MTSS1: variants seen among roughly 807,000 people sequenced by gnomAD.
MTSS1 encodes the protein MTSS I-BAR domain containing 1.
A neutral mutation model predicts 79.0 loss-of-function variants in MTSS1; 18 were observed. That is an observed-to-expected ratio of 0.23 (90% CI 0.16 to 0.34). The LOEUF (loss-of-function observed/expected upper bound fraction) is 0.34. MTSS1 is among the 10% of genes least tolerant of loss of function. MTSS1 has a pLI of 1.00. For missense variants in MTSS1, 815 were observed against 986.2 expected, an observed-to-expected ratio of 0.83 and a Z score of 2.33; for synonymous variants, 341 against 368.6, an observed-to-expected ratio of 0.93 and a Z score of 0.86.
intron 1 of MTSS1, among the ~76,000 whole-genome samples, chr8:124,710,254 C>G (rs1830967781): frequency 6.6e-6 from 1 of 152,236 alleles, no homozygotes; most frequent in Admixed American, 6.5e-5. Context: ...TTCATTCAGA[C>G]AGTGAGTGAC....
At position 124,553,139 on chromosome 8, in the gene MTSS1, G is replaced by A. The variant is rs771172981; in HGVS notation, c.2121C>T (p.Val707=). ...DQEREPPSAT[V]SPGQIPESDP... ...CACTCTCTGGAATCTGGCCTGGGGA[G>A]ACAGTGGCACTTGGGGGTTCCCGTT... The change falls in exon 14 of 14, where the codon GTC becomes GTT. Residue 707 remains valine (V), a synonymous_variant. Coordinates refer to ENST00000518547, the MANE Select transcript of MTSS1 (RefSeq NM_014751.6). The surrounding 1 kb of genome is among the most constrained non-coding windows in gnomAD (Gnocchi z 6.0). 6.2e-7 allele frequency: 1 copy of A among 1,614,188 alleles called. No individual in the cohort carries two copies.
chr8:124,599,349 G>A (rs924629698), intron 3 of MTSS1, among the ~76,000 whole-genome samples: 1 of 151,618 alleles, frequency 6.6e-6, no homozygotes, highest in Non-Finnish European at 1.5e-5. Flanking sequence ...CCAGCACGGT[G>A]GTGGGTGCCT....
intron 1 of MTSS1, among the ~76,000 whole-genome samples, chr8:124,726,206 G>A (rs1375879267): frequency 1.3e-5 from 2 of 152,214 alleles, no homozygotes; most frequent in Non-Finnish European, 2.9e-5. Context: ...CCACAGGATG[G>A]CAGGTGGAAA....
rs142715084 is a variant in MTSS1 at position 124,629,472 on chromosome 8, C to T, written c.209-38237G>A. Among the ~76,000 whole-genome samples, 28 of 140,810 alleles carry T rather than the reference C, an allele frequency of 2.0e-4. No individual in the cohort carries two copies. In the East Asian group the frequency reaches 4.7e-3, roughly 24 times the overall value. 92.4% of individuals were successfully genotyped at this position (140,810 alleles called of 152,430 possible). A position where few individuals can be genotyped will look rare whatever the true frequency, so the allele number is the denominator to read the frequency against. Reference sequence around the variant, plus strand: ...TGGAGCTTGCAGTGAGCCAAGATCACGCCACTGCACTCCAGCCTGAATGAC... The same window carrying T: ...TGGAGCTTGCAGTGAGCCAAGATCATGCCACTGCACTCCAGCCTGAATGAC... On this transcript the variant is annotated intron_variant, in intron 3 of 13. Coordinates refer to ENST00000518547, the MANE Select transcript of MTSS1 (RefSeq NM_014751.6).
At chr8:124,720,442 G>A (rs754195298) in intron 1 of MTSS1, among the ~76,000 whole-genome samples, 1 of 152,208 alleles carries the variant, frequency 6.6e-6, no homozygotes, top group African/African-American at 2.4e-5. Context: ...GAAACTCAAA[G>A]GATGTAGATG....
intron 5 of MTSS1, among the ~76,000 whole-genome samples, chr8:124,588,602 T>TG (rs1831282098): frequency 6.6e-6 from 1 of 152,326 alleles, no homozygotes; most frequent in East Asian, 1.9e-4. Flanking sequence ...ACAAAGAGAA[T>TG]GGGCAGGAGA....
intron 6 of MTSS1, among the ~76,000 whole-genome samples, chr8:124,570,865 G>T (rs564314189): frequency 6.6e-6 from 1 of 152,060 alleles, no homozygotes; most frequent in East Asian, 1.9e-4. Context: ...ATAAAGATTG[G>T]GTCTTGCTTT....
At chr8:124,710,774 C>G (rs1587933407) in intron 1 of MTSS1, among the ~76,000 whole-genome samples, 1 of 152,130 alleles carries the variant, frequency 6.6e-6, no homozygotes, top group East Asian at 1.9e-4. Context: ...ACTGGGACAG[C>G]TGAGGGAATT....
At chr8:124,556,063 C>G in intron 12 of MTSS1, 159 bp from the exon 13 acceptor site, 3 of 1,541,994 alleles carry the variant, frequency 1.9e-6, no homozygotes, top group Non-Finnish European at 2.6e-6. Flanking sequence ...TCTCTCATTC[C>G]CACACAAGGT....
intron 3 of MTSS1, among the ~76,000 whole-genome samples, chr8:124,643,897 A>G (rs1818536590): frequency 6.6e-6 from 1 of 152,170 alleles, no homozygotes; most frequent in African/African-American, 2.4e-5. Flanking sequence ...AATTGTTTGT[A>G]TTTTTGAAAT....
chr8:124,583,904 C>G (rs1216246618), intron 6 of MTSS1, among the ~76,000 whole-genome samples: 1 of 152,240 alleles, frequency 6.6e-6, no homozygotes, highest in Non-Finnish European at 1.5e-5. Flanking sequence ...CAAACACTAG[C>G]TCCCAGGTGC....
intron 7 of MTSS1, chr8:124,567,908 T>C (rs761283208): frequency 7.0e-7 from 1 of 1,421,734 alleles, no homozygotes; most frequent in Non-Finnish European, 9.2e-7. Context: ...AAATTAAGTC[T>C]AAATTGATTC....
At chr8:124,643,184 T>G (rs1002665750) in intron 3 of MTSS1, among the ~76,000 whole-genome samples, 3 of 152,150 alleles carry the variant, frequency 2.0e-5, no homozygotes, top group African/African-American at 7.2e-5. Context: ...CTACAAATGC[T>G]TACGGCCCTC....
chr8:124,692,146 C>T (rs1828041122), intron 3 of MTSS1, among the ~76,000 whole-genome samples: 1 of 151,272 alleles, frequency 6.6e-6, no homozygotes, highest in African/African-American at 2.4e-5. Flanking sequence ...TGTCATGCCT[C>T]AGCCTCCCGA....
chr8:124,630,376 G>C (rs1000296198), intron 3 of MTSS1, among the ~76,000 whole-genome samples: 1 of 152,118 alleles, frequency 6.6e-6, no homozygotes. Context: ...TGGGGGTGGG[G>C]TGGGAGCAGG....
intron 3 of MTSS1, among the ~76,000 whole-genome samples, chr8:124,614,163 CA>C (rs3050528): frequency 0.027 from 2,448 of 92,356 alleles, 52 homozygotes; most frequent in African/African-American, 0.07. Flanking sequence ...ATACCTGCCT[CA>C]AAAAAAAAAA....
intron 10 of MTSS1, among the ~76,000 whole-genome samples, chr8:124,561,806 C>G (rs905343166): frequency 6.6e-6 from 1 of 152,016 alleles, no homozygotes; most frequent in African/African-American, 2.4e-5. Context: ...CCTTACAGAC[C>G]AAGCCAAGCA....
chr8:124,692,459 C>G (rs1400069990), intron 3 of MTSS1, among the ~76,000 whole-genome samples: 1 of 152,070 alleles, frequency 6.6e-6, no homozygotes, highest in African/African-American at 2.4e-5. Flanking sequence ...CAAAGGCAAT[C>G]CAGAAGTTAA....
At chr8:124,640,440 C>T (rs1817816902) in intron 3 of MTSS1, among the ~76,000 whole-genome samples, 1 of 152,178 alleles carries the variant, frequency 6.6e-6, no homozygotes, top group African/African-American at 2.4e-5. Context: ...TGTGGTCTTT[C>T]CGGCAACAAC....
Sources: gnomAD v4.1 joint callset for allele counts (sites outside exome capture counted in the v4.1 genomes callset) on GRCh38, gnomAD v4.1.1 for gene constraint, Gnocchi (gnomAD v3.1) non-coding constraint, MANE v1.5 for transcripts, NCBI Gene and HGNC (gene_info 2026-07-23, HGNC 2026-07-21) for gene names.